Variants in PLCXD3 observed in about 807,000 individuals in gnomAD.
PLCXD3 encodes the protein phosphatidylinositol specific phospholipase C X domain containing 3, also known as PI-PLC X domain-containing protein 3.
PLCXD3 carries 19 observed loss-of-function variants against 25.5 expected under a neutral mutation model. That is an observed-to-expected ratio of 0.75 (90% CI 0.52 to 1.09). The LOEUF is 1.09. PLCXD3 is among the 50% of genes least tolerant of loss of function. PLCXD3 has a pLI of 0.00. For missense variants in PLCXD3, 411 were observed against 388.1 expected (o/e 1.06, Z -0.50); for synonymous variants, 174 against 137.6 (o/e 1.26, Z -1.85).
chr5:41,437,041 CT>C (rs1284074725), intron 1 of PLCXD3, among the ~76,000 whole-genome samples: 2 of 152,214 alleles, frequency 1.3e-5, no homozygotes, highest in Non-Finnish European at 2.9e-5. Context: ...AAAATCTGAA[CT>C]TGTGATTGAA....
At chr5:41,494,711 G>A (rs1433008558) in intron 1 of PLCXD3, among the ~76,000 whole-genome samples, 1 of 152,198 alleles carries the variant, frequency 6.6e-6, no homozygotes, top group Non-Finnish European at 1.5e-5. Flanking sequence ...CAGCAAAGAG[G>A]TCTGGGCTAA....
At chr5:41,317,743 G>T (rs961447451) in intron 2 of PLCXD3, among the ~76,000 whole-genome samples, 1 of 151,894 alleles carries the variant, frequency 6.6e-6, no homozygotes, top group Non-Finnish European at 1.5e-5. Context: ...GAATGCATCA[G>T]AGTCATTTAA....
intron 2 of PLCXD3, among the ~76,000 whole-genome samples, chr5:41,330,388 T>G (rs1162069471): frequency 6.6e-6 from 1 of 152,072 alleles, no homozygotes. Flanking sequence ...CTCCCAAGAC[T>G]AAACCAGGAA....
At position 41,382,425 on chromosome 5, in the gene PLCXD3, C is replaced by T. The variant is rs1474085644; in HGVS notation, c.213G>A (p.Lys71=). ...GAGTGGCTAACCATTTCCGCATGAG[C>T]TTTTTGGCCACAGTTCCAAACACAG... is the stretch of plus-strand genomic sequence containing the variant. ...FVSVFGTVAK[K]LMRKWLATQT... The change falls in exon 2 of 3, where the codon AAG becomes AAA. Residue 71 remains lysine (K), a synonymous_variant. Coordinates refer to ENST00000377801, the MANE Select transcript of PLCXD3 (RefSeq NM_001005473.3). The T allele has an allele frequency of 1.9e-6, 3 of 1,613,408 alleles. No individual in the cohort carries two copies. Among genetic ancestry groups the T allele is most frequent in the African/African-American group, 2.7e-5 (2 of 74,960 alleles).
intron 1 of PLCXD3, chr5:41,456,587 C>G: frequency 3.4e-6 from 3 of 892,112 alleles, no homozygotes; most frequent in Non-Finnish European, 4.0e-6. Flanking sequence ...TGTGTCCCCC[C>G]TGACACTCCA....
At chr5:41,506,954 A>C (rs1268169751) in intron 1 of PLCXD3, among the ~76,000 whole-genome samples, 1 of 149,668 alleles carries the variant, frequency 6.7e-6, no homozygotes, top group Non-Finnish European at 1.5e-5. Flanking sequence ...TTGCTACACT[A>C]TATGAAAAAG....
chr5:41,464,693 C>T (rs537693576), intron 1 of PLCXD3, among the ~76,000 whole-genome samples: 1 of 152,160 alleles, frequency 6.6e-6, no homozygotes, highest in East Asian at 1.9e-4. Context: ...AATCTGAAGA[C>T]TTATGTCTTC....
At chr5:41,414,432 T>A (rs1746646709) in intron 1 of PLCXD3, among the ~76,000 whole-genome samples, 1 of 152,112 alleles carries the variant, frequency 6.6e-6, no homozygotes, top group African/African-American at 2.4e-5. Context: ...GTAGGCATTA[T>A]TTTTGATGGA....
intron 1 of PLCXD3, among the ~76,000 whole-genome samples, chr5:41,443,825 A>C (rs917950168): frequency 2.6e-5 from 4 of 152,218 alleles, no homozygotes; most frequent in Non-Finnish European, 5.9e-5. Flanking sequence ...GCACCAGGAC[A>C]GCCTGTAATT....
At chr5:41,328,707 C>A (rs1743703877) in intron 2 of PLCXD3, among the ~76,000 whole-genome samples, 1 of 152,122 alleles carries the variant, frequency 6.6e-6, no homozygotes, top group Non-Finnish European at 1.5e-5. Context: ...AGAAAACCTC[C>A]CTCCTTCAAA....
intron 2 of PLCXD3, among the ~76,000 whole-genome samples, chr5:41,318,464 G>A (rs143101191): frequency 7.9e-5 from 12 of 152,178 alleles, no homozygotes; most frequent in African/African-American, 2.4e-4. Context: ...AAGTTAAGGC[G>A]TATTTTTATT....
At chr5:41,445,819 T>A (rs1345841076) in intron 1 of PLCXD3, among the ~76,000 whole-genome samples, 2 of 152,124 alleles carry the variant, frequency 1.3e-5, no homozygotes, top group African/African-American at 4.8e-5. Context: ...ATCGTCCCTA[T>A]GTTTTCTTAA....
At position 41,325,472 on chromosome 5, in the gene PLCXD3, T is replaced by G. The variant is rs542253724; in HGVS notation, c.813-11702A>C. On this transcript the variant is annotated intron_variant, in intron 2 of 2. Coordinates refer to ENST00000377801, the MANE Select transcript of PLCXD3 (RefSeq NM_001005473.3). The stretch of plus-strand genomic sequence containing the variant: ...ATTATTACCTCCCAAGGAGCTTTTT[T>G]GAATATTGTTTTCCTATTTGTCCTC... Among the ~76,000 whole-genome samples the G allele has an allele frequency of 3.7e-4, 56 of 152,354 alleles. No individual in the cohort carries two copies. In the East Asian group the frequency reaches 6.9e-3, roughly 19 times the overall value.
intron 2 of PLCXD3, among the ~76,000 whole-genome samples, chr5:41,354,094 G>A (rs372978371): frequency 6.6e-6 from 1 of 152,058 alleles, no homozygotes; most frequent in African/African-American, 2.4e-5. Flanking sequence ...TTCTGCCCAA[G>A]CCTAAAATGT....
intron 2 of PLCXD3, among the ~76,000 whole-genome samples, chr5:41,362,152 G>A (rs1434149800): frequency 6.6e-6 from 1 of 152,166 alleles, no homozygotes; most frequent in African/African-American, 2.4e-5. Context: ...ACTTTTGTTT[G>A]TCCCTGAATT....
At chr5:41,503,969 GTGTGTGTGTGTGTGCACT>G (rs1011274993) in intron 1 of PLCXD3, among the ~76,000 whole-genome samples, 7 of 136,608 alleles carry the variant, frequency 5.1e-5, no homozygotes, top group African/African-American at 2.2e-4. Flanking sequence ...ATTAAAATGT[GTGTGTGTGTGTGTGCACT>G]TGTGTGTGTG....
intron 1 of PLCXD3, among the ~76,000 whole-genome samples, chr5:41,489,131 T>C (rs1213599062): frequency 6.6e-6 from 1 of 151,990 alleles, no homozygotes; most frequent in African/African-American, 2.4e-5. Context: ...GGGATCCAGT[T>C]TCAGCTTTCT....
intron 2 of PLCXD3, among the ~76,000 whole-genome samples, chr5:41,354,327 G>T (rs538744346): frequency 6.2e-4 from 95 of 152,254 alleles, no homozygotes; most frequent in South Asian, 2.1e-3. Flanking sequence ...CATATTTGAA[G>T]CAAATGGTCA....
intron 2 of PLCXD3, among the ~76,000 whole-genome samples, chr5:41,341,725 A>G (rs1744154314): frequency 6.6e-6 from 1 of 152,144 alleles, no homozygotes; most frequent in South Asian, 2.1e-4. Flanking sequence ...AGAAAAAAAA[A>G]AGTTCTTATC....
Sources: gnomAD v4.1 joint callset for allele counts (sites outside exome capture counted in the v4.1 genomes callset) on GRCh38, gnomAD v4.1.1 for gene constraint, MANE v1.5 for transcripts, NCBI Gene and HGNC (gene_info 2026-07-23, HGNC 2026-07-21) for gene names.